MYO1E: variants seen among roughly 807,000 people sequenced by gnomAD.
The protein encoded by MYO1E is myosin IE, also known as unconventional myosin-Ie.
MYO1E carries 68 observed loss-of-function variants against 151.1 expected under a neutral mutation model. That is an observed-to-expected ratio of 0.45 (90% CI 0.37 to 0.55). MYO1E has a LOEUF of 0.55. Ranked by LOEUF, MYO1E falls within the 20% of genes least tolerant of loss-of-function variation. The pLI, the probability that MYO1E is intolerant of heterozygous loss-of-function variation, is 0.00. For missense variants in MYO1E, 1,363 were observed against 1,389.3 expected, an observed-to-expected ratio of 0.98 and a Z score of 0.30; for synonymous variants, 601 against 501.7, an observed-to-expected ratio of 1.20 and a Z score of -2.64.
chr15:59,355,477 G>C (rs2080847875), intron 1 of MYO1E, among the ~76,000 whole-genome samples: 1 of 152,130 alleles, frequency 6.6e-6, no homozygotes, highest in Non-Finnish European at 1.5e-5. Flanking sequence ...CCAGCCACCT[G>C]GAGCTGGAAA....
intron 2 of MYO1E, among the ~76,000 whole-genome samples, chr15:59,267,171 A>G (rs577237033): frequency 2.0e-5 from 3 of 148,410 alleles, no homozygotes; most frequent in South Asian, 2.1e-4. Flanking sequence ...GACTACAGGC[A>G]TGCGCCACTA....
At chr15:59,152,188 T>C (rs1195350333) in intron 26 of MYO1E, among the ~76,000 whole-genome samples, 1 of 152,184 alleles carries the variant, frequency 6.6e-6, no homozygotes, top group Admixed American at 6.5e-5. Flanking sequence ...ACTGCACCAC[T>C]GCATTGCAGC....
chr15:59,185,510 G>A (rs891663443), intron 18 of MYO1E, among the ~76,000 whole-genome samples: 1 of 152,122 alleles, frequency 6.6e-6, no homozygotes, highest in Non-Finnish European at 1.5e-5. Flanking sequence ...CAGGTGATAT[G>A]CCCACCTCGG....
At chr15:59,185,020 CT>C (rs1486879201) in intron 18 of MYO1E, among the ~76,000 whole-genome samples, 1 of 152,158 alleles carries the variant, frequency 6.6e-6, no homozygotes, top group Non-Finnish European at 1.5e-5. Flanking sequence ...TTTATTTTGG[CT>C]TTCTCTGATG....
intron 12 of MYO1E, among the ~76,000 whole-genome samples, chr15:59,211,933 A>T (rs1011176110): frequency 3.3e-5 from 5 of 151,736 alleles, no homozygotes; most frequent in Admixed American, 2.0e-4. Flanking sequence ...CTTTCCCCTG[A>T]CTCATCCCAC....
intron 10 of MYO1E, among the ~76,000 whole-genome samples, chr15:59,216,227 A>T (rs1437123444): frequency 6.6e-6 from 1 of 152,062 alleles, no homozygotes; most frequent in South Asian, 2.1e-4. Flanking sequence ...CAAACTAGCT[A>T]GGAATCTAGG....
At chr15:59,182,427 G>C (rs559218707) in intron 18 of MYO1E, among the ~76,000 whole-genome samples, 1 of 152,072 alleles carries the variant, frequency 6.6e-6, no homozygotes, top group South Asian at 2.1e-4. Context: ...TGGTCAGGCT[G>C]GTCCTGAACT....
chr15:59,207,369 CA>C, intron 14 of MYO1E: 1 of 1,614,056 alleles, frequency 6.2e-7, no homozygotes, highest in Non-Finnish European at 8.5e-7. Context: ...TAGTGATTAT[CA>C]CAGCAGGTGC....
chr15:59,213,688 C>T (rs140939896), intron 12 of MYO1E, among the ~76,000 whole-genome samples: 39 of 148,430 alleles, frequency 2.6e-4, no homozygotes, highest in Middle Eastern at 3.8e-3. Context: ...CTTGAACTCC[C>T]GGGCTCAAGC....
rs528533656 is a variant in MYO1E at position 59,355,982 on chromosome 15, G to A, written c.3+16516C>T. ...AATCCACCTGCCTAGGCCTCCCAAA[G>A]TGCTGGGATTATAAGTGTGAGCCAC... On this transcript the variant is annotated intron_variant, in intron 1 of 27. Coordinates refer to ENST00000288235, the MANE Select transcript of MYO1E (RefSeq NM_004998.4). 3.9e-5 allele frequency among the ~76,000 whole-genome samples: 6 copies of A among 152,280 alleles called. No individual in the cohort carries two copies. In the South Asian group the frequency reaches 6.2e-4, roughly 16 times the overall value.
At chr15:59,274,161 G>A (rs1451947821) in intron 1 of MYO1E, among the ~76,000 whole-genome samples, 2 of 152,146 alleles carry the variant, frequency 1.3e-5, no homozygotes, top group Non-Finnish European at 2.9e-5. Flanking sequence ...GCTACCACAG[G>A]AAAAGTGTAC....
chr15:59,253,481 G>GTT (rs5812967), intron 4 of MYO1E, among the ~76,000 whole-genome samples: 14,721 of 126,828 alleles, frequency 0.12, 1,390 homozygotes, highest in Non-Finnish European at 0.16. Context: ...GTCTGATCGA[G>GTT]TTTTTTTTTT....
intron 7 of MYO1E, 24 bp downstream of exon 7, chr15:59,227,435 T>A: frequency 3.7e-6 from 6 of 1,613,714 alleles, no homozygotes; most frequent in Non-Finnish European, 5.1e-6. Flanking sequence ...AGGAAGTGGG[T>A]AGGAAAAAAG....
chr15:59,217,720 G>T (rs184552710), intron 10 of MYO1E, among the ~76,000 whole-genome samples, 171 bp downstream of exon 10: 1 of 151,468 alleles, frequency 6.6e-6, no homozygotes, highest in Admixed American at 6.6e-5. Flanking sequence ...TAGAGACAGG[G>T]TCTCACCATG....
intron 1 of MYO1E, among the ~76,000 whole-genome samples, chr15:59,357,426 C>CTTTTT (rs532794951): frequency 7.3e-6 from 1 of 137,060 alleles, no homozygotes; most frequent in Non-Finnish European, 1.6e-5. Flanking sequence ...AAGGAGATAA[C>CTTTTT]TTTTTTTTTT....
chr15:59,166,108 G>A (rs2079561604), intron 22 of MYO1E, among the ~76,000 whole-genome samples: 1 of 152,194 alleles, frequency 6.6e-6, no homozygotes, highest in South Asian at 2.1e-4. Context: ...CTAGAAATGA[G>A]AAGAGATGTG....
chr15:59,322,597 C>A (rs1489792576), intron 1 of MYO1E, among the ~76,000 whole-genome samples: 1 of 152,124 alleles, frequency 6.6e-6, no homozygotes, highest in Admixed American at 6.5e-5. Flanking sequence ...GCCATGAGAG[C>A]CAGAGATGGG....
At chr15:59,239,836 T>C (rs971530181) in intron 4 of MYO1E, among the ~76,000 whole-genome samples, 1 of 152,208 alleles carries the variant, frequency 6.6e-6, no homozygotes, top group South Asian at 2.1e-4. Flanking sequence ...GGTCAAAATA[T>C]GGTACAATAA....
rs200956105 is a variant in MYO1E, at chr15:59,163,156, C to T, written c.2627+1G>A. On this transcript the variant is annotated splice_donor_variant, in intron 23 of 27. Transcript: ENST00000288235. LOFTEE classifies it high-confidence loss of function. ...AGTCTGGGTCCCAGATCCGGACTTA[C>T]GTATTGCTGAATTTCAGAGGTAGTT... 1.2e-6 allele frequency: 2 copies of T among 1,613,842 alleles called. No individual in the cohort carries two copies. The highest frequency in any genetic ancestry group is 1.7e-6 in the Non-Finnish European group (2 of 1,179,932).
Sources: allele counts gnomAD v4.1 joint callset (sites outside exome capture counted in the v4.1 genomes callset), GRCh38; gene constraint gnomAD v4.1.1; transcripts MANE v1.5; gene names NCBI Gene and HGNC (gene_info 2026-07-23, HGNC 2026-07-21).